NDRG3: variants seen among roughly 807,000 people sequenced by gnomAD.
The protein encoded by NDRG3 is protein NDRG3.
Under a neutral mutation model 57.2 loss-of-function variants are expected in NDRG3, and 23 were observed. The ratio of observed to expected loss-of-function variants is 0.40; its 90% CI spans 0.29 to 0.57. The LOEUF (loss-of-function observed/expected upper bound fraction) is 0.57. NDRG3 is among the 20% of genes least tolerant of loss of function. The probability of loss-of-function intolerance (pLI) is 0.42; values close to 1 mark genes in which losing one functional copy is unlikely to be tolerated. For synonymous variants in NDRG3, 132 were observed against 162.6 expected, an observed-to-expected ratio of 0.81 and a Z score of 1.43; for missense variants, 384 against 457.3, an observed-to-expected ratio of 0.84 and a Z score of 1.46.
At position 36,733,584 on chromosome 20, in the gene NDRG3, A is replaced by T. The variant is rs1016750036; in HGVS notation, c.-48-11801T>A. Reference sequence around the variant, plus strand: ...CTAAATATACAAAAAATTAGCCGGGAGAGGTTGCAGGTGCCTGTAGTCCAG... The same window carrying T: ...CTAAATATACAAAAAATTAGCCGGGTGAGGTTGCAGGTGCCTGTAGTCCAG... On this transcript the variant is annotated intron_variant, in intron 1 of 15. Coordinates refer to ENST00000349004, the MANE Select transcript of NDRG3 (RefSeq NM_032013.4). Among the ~76,000 whole-genome samples, 3 of 151,932 alleles carry T rather than the reference A, an allele frequency of 2.0e-5. No homozygotes were observed. The East Asian group carries it at 5.8e-4, about 29-fold the overall frequency.
At chr20:36,731,643 TAA>T in intron 1 of NDRG3, among the ~76,000 whole-genome samples, 1 of 150,636 alleles carries the variant, frequency 6.6e-6, no homozygotes, top group African/African-American at 2.4e-5. Flanking sequence ...CTGTCTCTAC[TAA>T]AAAAATACAA....
intron 8 of NDRG3, among the ~76,000 whole-genome samples, chr20:36,676,457 GTTTT>G (rs1207064752): frequency 2.0e-5 from 3 of 151,868 alleles, no homozygotes; most frequent in Non-Finnish European, 2.9e-5. Flanking sequence ...TTGTTTGTTT[GTTTT>G]TTGTTTTGTT....
In NDRG3 at chr20:36,739,166, A is replaced by AAAT. The variant is rs1157120131; in HGVS notation, c.-49+6878_-49+6879insATT. 5.5e-4 allele frequency among the ~76,000 whole-genome samples: 64 copies of AAAT among 116,466 alleles called. 2 individuals carry two copies. Among genetic ancestry groups the AAAT allele is most frequent in the African/African-American group, 2.3e-3 (61 of 26,578 alleles). 76.4% of individuals were successfully genotyped at this position (116,466 alleles called of 152,430 possible). Reference sequence around the variant, plus strand: ...AAAAAAAAAAAAAAAAAAAAAAAAAAGGCCAGGCACAGTGGCTCATGCCTG... The same window carrying AAAT: ...AAAAAAAAAAAAAAAAAAAAAAAAAAAATGGCCAGGCACAGTGGCTCATGCCTG... On this transcript the variant is annotated intron_variant, in intron 1 of 15. Transcript: ENST00000349004.
intron 1 of NDRG3, among the ~76,000 whole-genome samples, chr20:36,742,175 C>T (rs1340563746): frequency 2.0e-5 from 3 of 152,096 alleles, no homozygotes; most frequent in East Asian, 3.9e-4. Flanking sequence ...ATTATATATA[C>T]GCTGACTTCA....
chr20:36,670,318 G>A (rs1361071403), intron 9 of NDRG3, among the ~76,000 whole-genome samples: 1 of 152,188 alleles, frequency 6.6e-6, no homozygotes. Flanking sequence ...ACTCAAAGGA[G>A]TCAGCTGGAA....
intron 1 of NDRG3, among the ~76,000 whole-genome samples, chr20:36,724,500 A>G (rs1984800130): frequency 6.6e-6 from 1 of 152,206 alleles, no homozygotes; most frequent in Non-Finnish European, 1.5e-5. Context: ...TCTCTTTTTC[A>G]CAGTCCCCAC....
intron 6 of NDRG3, among the ~76,000 whole-genome samples, chr20:36,683,820 C>G (rs932851349): frequency 8.6e-5 from 13 of 151,822 alleles, no homozygotes; most frequent in African/African-American, 3.1e-4. Context: ...ATCCATCTAC[C>G]TACTACTATC....
intron 1 of NDRG3, among the ~76,000 whole-genome samples, chr20:36,733,654 G>A (rs753565124): frequency 8.6e-5 from 13 of 151,146 alleles, no homozygotes; most frequent in Non-Finnish European, 1.6e-4. Flanking sequence ...CCGAGATCAC[G>A]CCACTACACT....
At chr20:36,718,304 C>A (rs945279300) in intron 2 of NDRG3, among the ~76,000 whole-genome samples, 3 of 152,142 alleles carry the variant, frequency 2.0e-5, no homozygotes, top group Non-Finnish European at 2.9e-5. Context: ...ACCTGCTTGG[C>A]GAGAGCCAAG....
At chr20:36,720,144 G>A (rs1057293558) in intron 2 of NDRG3, among the ~76,000 whole-genome samples, 1 of 150,982 alleles carries the variant, frequency 6.6e-6, no homozygotes, top group Non-Finnish European at 1.5e-5. Context: ...CACATTTACC[G>A]AACAATAAGG....
rs1978392890 is a variant in NDRG3, at chr20:36,653,562, AG to A, written c.1085del (p.Pro362LeufsTer30). 6.2e-7 allele frequency: 1 copy of A among 1,614,158 alleles called. No homozygotes were observed. Among genetic ancestry groups the A allele is most frequent in the Admixed American group, 1.7e-5 (1 of 60,010 alleles). On this transcript the variant is annotated frameshift_variant, in exon 16 of 16. Coordinates refer to ENST00000349004, the MANE Select transcript of NDRG3 (RefSeq NM_032013.4). LOFTEE classifies it high-confidence loss of function. The surrounding 1 kb of genome is among the most constrained non-coding windows in gnomAD (Gnocchi z 4.2). ...TGGTCTGGTGTCTGTCCAGGACATC[AG>A]GGGACTCACAGGATTCTTGAGTTCC... ...SDGTQESCES[P>X]DVLDRHQTME...
At chr20:36,665,140 A>T in intron 11 of NDRG3, 43 bp from the exon 12 acceptor site, 1 of 1,611,400 alleles carries the variant, frequency 6.2e-7, no homozygotes, top group Non-Finnish European at 8.5e-7. Flanking sequence ...AAATAGGCAC[A>T]TAAATTCCAC....
At chr20:36,742,407 C>T (rs113555005) in intron 1 of NDRG3, among the ~76,000 whole-genome samples, 1 of 152,170 alleles carries the variant, frequency 6.6e-6, no homozygotes, top group Non-Finnish European at 1.5e-5. Flanking sequence ...GCCAGTTCTG[C>T]GACCTTGGAC....
intron 4 of NDRG3, 104 bp downstream of exon 4, chr20:36,688,573 CAG>C: frequency 6.0e-6 from 5 of 826,532 alleles, no homozygotes; most frequent in Non-Finnish European, 1.0e-5. Flanking sequence ...AAAGTTACCA[CAG>C]AGAGGGGGAA....
chr20:36,711,998 C>A (rs1421601321), intron 2 of NDRG3, among the ~76,000 whole-genome samples: 1 of 152,186 alleles, frequency 6.6e-6, no homozygotes, highest in Admixed American at 6.5e-5. Context: ...CCAGGATGGT[C>A]TCGATCTCCT....
At chr20:36,699,266 T>C (rs1983049469) in intron 3 of NDRG3, among the ~76,000 whole-genome samples, 1 of 152,140 alleles carries the variant, frequency 6.6e-6, no homozygotes, top group Non-Finnish European at 1.5e-5. Context: ...TATAAAAACT[T>C]GGAGGAGAAA....
chr20:36,662,723 G>A (rs1167134831), intron 12 of NDRG3, among the ~76,000 whole-genome samples: 5 of 152,142 alleles, frequency 3.3e-5, no homozygotes, highest in Non-Finnish European at 7.3e-5. Flanking sequence ...CACACTTGTG[G>A]GATAAAATGC....
At chr20:36,656,441 T>G (rs1568619526) in intron 14 of NDRG3, 30 bp from the exon 15 acceptor site, 2 of 1,614,146 alleles carry the variant, frequency 1.2e-6, no homozygotes, top group Non-Finnish European at 1.7e-6. Context: ...GGGCATTAAT[T>G]TTTGCATAGA....
intron 8 of NDRG3, among the ~76,000 whole-genome samples, chr20:36,679,085 G>A (rs1222610083): frequency 6.6e-6 from 1 of 152,100 alleles, no homozygotes; most frequent in African/African-American, 2.4e-5. Context: ...TGAGTAGCTG[G>A]GATTACAGAT....
Sources: gnomAD v4.1 joint callset for allele counts (sites outside exome capture counted in the v4.1 genomes callset) on GRCh38, gnomAD v4.1.1 for gene constraint, Gnocchi (gnomAD v3.1) non-coding constraint, MANE v1.5 for transcripts, NCBI Gene and HGNC (gene_info 2026-07-23, HGNC 2026-07-21) for gene names.